The following ADK variants were observed in gnomAD, a reference collection of about 807,000 sequenced individuals.
ADK encodes adenosine kinase.
Under a neutral mutation model 44.7 loss-of-function variants are expected in ADK, and 24 were observed. That is an observed-to-expected ratio of 0.54 (90% confidence interval 0.39 to 0.76). The LOEUF (loss-of-function observed/expected upper bound fraction) is 0.76, where lower values mean the gene tolerates loss of function less well. Among genes scored for constraint, ADK ranks in the 30% least tolerant of loss-of-function variants. ADK has a pLI of 0.00. For missense variants in ADK, 321 were observed against 425.1 expected, an observed-to-expected ratio of 0.76 and a Z score of 2.15; for synonymous variants, 128 against 142.6, an observed-to-expected ratio of 0.90 and a Z score of 0.73.
At chr10:74,200,508 T>C (rs1486813220) in intron 1 of ADK, among the ~76,000 whole-genome samples, 10 of 150,610 alleles carry the variant, frequency 6.6e-5, no homozygotes, top group African/African-American at 2.4e-4. Context: ...AAAAAATAGG[T>C]ATTCTCATTG....
chr10:74,326,747 T>A lies in ADK; in HGVS notation c.273+12002T>A, dbSNP rs1841033760. Among the ~76,000 whole-genome samples the A allele has an allele frequency of 2.6e-5, 4 of 152,168 alleles. No individual in the cohort carries two copies. In the South Asian group the frequency reaches 8.3e-4, roughly 32 times the overall value. On this transcript the variant is annotated intron_variant, in intron 4 of 10. Transcript: ENST00000539909. ...TTTACTTATTGGTCTGTTCTAATTT[T>A]CTATATCTTCGTAATTAAATTTTGG...
At chr10:74,514,000 A>T (rs1848458706) in intron 6 of ADK, among the ~76,000 whole-genome samples, 1 of 152,150 alleles carries the variant, frequency 6.6e-6, no homozygotes, top group African/African-American at 2.4e-5. Flanking sequence ...AGGCCAGACT[A>T]GTGGTGATGG....
intron 1 of ADK, among the ~76,000 whole-genome samples, chr10:74,157,755 G>A (rs1429367227): frequency 6.6e-6 from 1 of 151,888 alleles, no homozygotes; most frequent in African/African-American, 2.4e-5. Context: ...AGCTGGATGT[G>A]GTGGTCCATG....
chr10:74,653,045 A>G (rs1854330771), intron 9 of ADK, among the ~76,000 whole-genome samples: 1 of 152,154 alleles, frequency 6.6e-6, no homozygotes, highest in African/African-American at 2.4e-5. Context: ...GTTTTAGTTT[A>G]GTTCTTTAGA....
At position 74,356,705 on chromosome 10, in the gene ADK, C is replaced by T. The variant is rs564350152; in HGVS notation, c.274-37436C>T. Among the ~76,000 whole-genome samples the T allele has an allele frequency of 3.9e-5, 6 of 152,288 alleles. No individual in the cohort carries two copies. The East Asian group carries it at 5.8e-4, about 15-fold the overall frequency. ...TACTTTAGTCACCCTTACACCTAAA[C>T]GTTACAGTGCTTCAGTATAACTTCT... On this transcript the variant is annotated intron_variant, in intron 4 of 10. Transcript: ENST00000539909.
chr10:74,640,506 T>C (rs1853803494), intron 9 of ADK, among the ~76,000 whole-genome samples: 1 of 152,214 alleles, frequency 6.6e-6, no homozygotes, highest in African/African-American at 2.4e-5. Flanking sequence ...GCTTTTTCAA[T>C]TCTCTGGGCC....
At chr10:74,340,041 A>C (rs755238297) in intron 4 of ADK, among the ~76,000 whole-genome samples, 1 of 152,184 alleles carries the variant, frequency 6.6e-6, no homozygotes, top group East Asian at 1.9e-4. Context: ...TTTAAACCAG[A>C]TGATGAAATT....
intron 9 of ADK, among the ~76,000 whole-genome samples, chr10:74,660,588 G>A (rs1219114331): frequency 6.6e-6 from 1 of 151,716 alleles, no homozygotes; most frequent in African/African-American, 2.4e-5. Flanking sequence ...GAATCAGCTG[G>A]GCATGGTGGC....
At chr10:74,455,329 C>T (rs1220144439) in intron 6 of ADK, among the ~76,000 whole-genome samples, 1 of 151,896 alleles carries the variant, frequency 6.6e-6, no homozygotes, top group East Asian at 1.9e-4. Flanking sequence ...CATAGCAAGA[C>T]CCCATCTCTT....
intron 6 of ADK, among the ~76,000 whole-genome samples, chr10:74,484,393 G>A (rs577642322): frequency 2.6e-5 from 4 of 152,126 alleles, no homozygotes; most frequent in African/African-American, 7.2e-5. Flanking sequence ...AAATAAACAC[G>A]TGATTCGGAT....
At chr10:74,652,437 C>T (rs765197358) in intron 9 of ADK, among the ~76,000 whole-genome samples, 17 of 151,940 alleles carry the variant, frequency 1.1e-4, no homozygotes, top group Non-Finnish European at 2.5e-4. Context: ...TCAATCTCTG[C>T]TTAGGAAAAA....
At chr10:74,366,460 A>G (rs927651882) in intron 4 of ADK, among the ~76,000 whole-genome samples, 1 of 152,172 alleles carries the variant, frequency 6.6e-6, no homozygotes, top group African/African-American at 2.4e-5. Context: ...CTTTCTTTTT[A>G]ACACTTCCAA....
chr10:74,667,301 G>A (rs75778524), intron 9 of ADK, among the ~76,000 whole-genome samples: 2,674 of 152,108 alleles, frequency 0.018, 72 homozygotes, highest in African/African-American at 0.061. Context: ...AGTTTATGAC[G>A]CATCTTTTGC....
At chr10:74,241,531 A>G (rs987642774) in intron 3 of ADK, among the ~76,000 whole-genome samples, 12 of 152,148 alleles carry the variant, frequency 7.9e-5, no homozygotes, top group Non-Finnish European at 1.6e-4. Flanking sequence ...GACTACAGGC[A>G]CACGCTACCA....
At chr10:74,642,737 T>C (rs1036361310) in intron 9 of ADK, among the ~76,000 whole-genome samples, 2 of 152,068 alleles carry the variant, frequency 1.3e-5, no homozygotes, top group South Asian at 2.1e-4. Context: ...TTTACATTTA[T>C]TGGATCATAC....
chr10:74,379,670 C>T lies in ADK; in HGVS notation c.274-14471C>T, dbSNP rs769829401. Among the ~76,000 whole-genome samples the T allele has an allele frequency of 1.1e-4, 17 of 152,292 alleles. 1 individual carries two copies. Among genetic ancestry groups the T allele is most frequent in the East Asian group, 3.9e-4 (2 of 5,184 alleles). The stretch of plus-strand genomic sequence containing the variant: ...CCTCCCTCTGGAAACTTCCCCTAAC[C>T]GTAAGGTCACTCTTTACCCAATCAG... On this transcript the variant is annotated intron_variant, in intron 4 of 10. Coordinates refer to ENST00000539909, the MANE Select transcript of ADK (RefSeq NM_006721.4).
chr10:74,655,290 C>T (rs951530282), intron 9 of ADK: 3 of 463,258 alleles, frequency 6.5e-6, no homozygotes, highest in Admixed American at 6.4e-5. Flanking sequence ...TGAGAAGGGC[C>T]CAGCTGAAAT....
At chr10:74,662,904 C>T (rs1854795558) in intron 9 of ADK, among the ~76,000 whole-genome samples, 1 of 152,104 alleles carries the variant, frequency 6.6e-6, no homozygotes, top group Non-Finnish European at 1.5e-5. Context: ...ATCATATCAT[C>T]CTGTTTTATT....
chr10:74,708,739 T>C lies in ADK; in HGVS notation c.*294T>C. ...TTTCATTTTCAATTACTTTGTAAAT[T>C]CGTGTGTATTTAGTACACTGATTTG... On this transcript the variant is annotated 3_prime_UTR_variant, in exon 11 of 11. Transcript: ENST00000539909. 3.2e-6 allele frequency: 1 copy of C among 312,772 alleles called. No homozygotes were observed. Among genetic ancestry groups the C allele is most frequent in the Non-Finnish European group, 6.2e-6 (1 of 160,954 alleles). 19.4% of individuals were successfully genotyped at this position (312,772 alleles called of 1,614,324 possible). A position where few individuals can be genotyped will look rare whatever the true frequency, so the allele number is the denominator to read the frequency against.
Sources: allele counts gnomAD v4.1 joint callset (sites outside exome capture counted in the v4.1 genomes callset), GRCh38; gene constraint gnomAD v4.1.1; transcripts MANE v1.5; gene names NCBI Gene and HGNC (gene_info 2026-07-23, HGNC 2026-07-21).